The following SYNPO2 variants were observed in gnomAD, a reference collection of about 807,000 sequenced individuals.
SYNPO2 encodes the protein synaptopodin-2.
In SYNPO2, 56 loss-of-function variants were observed where a neutral mutation model predicts 85.0. That is an observed-to-expected ratio of 0.66 (90% CI 0.53 to 0.82). The LOEUF (loss-of-function observed/expected upper bound fraction) is 0.82. Among genes scored for constraint, SYNPO2 ranks in the 40% least tolerant of loss-of-function variants. SYNPO2 has a pLI of 0.00. For missense variants in SYNPO2, 1,575 were observed against 1,534.2 expected (o/e 1.03, Z -0.44); for synonymous variants, 602 against 591.1 (o/e 1.02, Z -0.27).
chr4:118,933,357 G>A (rs1733992397), intron 1 of SYNPO2, among the ~76,000 whole-genome samples: 1 of 152,166 alleles, frequency 6.6e-6, no homozygotes, highest in African/African-American at 2.4e-5. Context: ...CCTGACCAGA[G>A]GCTACTGATG....
At chr4:118,958,826 C>T (rs903304079) in intron 1 of SYNPO2, among the ~76,000 whole-genome samples, 13 of 152,086 alleles carry the variant, frequency 8.5e-5, no homozygotes, top group African/African-American at 2.9e-4. Context: ...AGATTTTGAG[C>T]GTTAAGTTCT....
chr4:119,028,852 T>C (rs1038826642), intron 3 of SYNPO2, among the ~76,000 whole-genome samples: 4 of 151,966 alleles, frequency 2.6e-5, no homozygotes, highest in Non-Finnish European at 5.9e-5. Context: ...ATTGAAAATA[T>C]GATATAACTA....
In SYNPO2 at chr4:119,033,947, T is replaced by C. The variant is rs918157334; in HGVS notation, c.3252+1920T>C. The stretch of plus-strand genomic sequence containing the variant: ...TGCAGAACAATGGGGCTGATTCTTC[T>C]GCTTTTTCTCTGGAAAATCTTTCAT... On this transcript the variant is annotated intron_variant, in intron 4 of 4. Transcript: ENST00000307142. 2.2e-5 allele frequency: 22 copies of C among 985,354 alleles called. No homozygotes were observed. In the South Asian group the frequency reaches 8.5e-4, roughly 38 times the overall value. 61.0% of individuals were successfully genotyped at this position (985,354 alleles called of 1,614,324 possible). A position where few individuals can be genotyped will look rare whatever the true frequency, so the allele number is the denominator to read the frequency against.
intron 1 of SYNPO2, among the ~76,000 whole-genome samples, chr4:119,000,900 A>G (rs1736799131): frequency 6.6e-6 from 1 of 152,218 alleles, no homozygotes; most frequent in Non-Finnish European, 1.5e-5. Context: ...ACATAAGTCT[A>G]GAAAATCTGT....
chr4:118,971,089 C>T (rs148114145), intron 1 of SYNPO2, among the ~76,000 whole-genome samples: 9 of 152,236 alleles, frequency 5.9e-5, no homozygotes, highest in African/African-American at 1.7e-4. Context: ...TGAGCACCTT[C>T]GCTCCTTCTC....
At chr4:118,938,262 G>A (rs1030629163) in intron 1 of SYNPO2, among the ~76,000 whole-genome samples, 7 of 152,176 alleles carry the variant, frequency 4.6e-5, no homozygotes, top group African/African-American at 1.7e-4. Flanking sequence ...GAGGTTGGCA[G>A]TGAGCTGAGA....
chr4:118,915,681 T>C (rs950014790), intron 1 of SYNPO2, among the ~76,000 whole-genome samples: 12 of 152,138 alleles, frequency 7.9e-5, no homozygotes, highest in Admixed American at 5.9e-4. Context: ...AAAGACTTCT[T>C]TTAGTTGTAT....
intron 1 of SYNPO2, among the ~76,000 whole-genome samples, chr4:118,918,413 T>G (rs930558898): frequency 1.3e-5 from 2 of 152,192 alleles, no homozygotes; most frequent in Non-Finnish European, 2.9e-5. Flanking sequence ...CATTATTTCA[T>G]AGTATTCTGT....
intron 1 of SYNPO2, among the ~76,000 whole-genome samples, chr4:119,011,978 A>C (rs1737322066): frequency 7.3e-6 from 1 of 137,632 alleles, no homozygotes; most frequent in Non-Finnish European, 1.5e-5. Context: ...CTTGGAGTGC[A>C]GTGGAGCCAT....
chr4:118,890,733 C>CTCTCTGTG (rs749295331), intron 1 of SYNPO2, among the ~76,000 whole-genome samples: 223 of 126,204 alleles, frequency 1.8e-3, no homozygotes, highest in Middle Eastern at 4.1e-3. Context: ...CTCTCTCTCT[C>CTCTCTGTG]TGTGTGTGTG....
intron 1 of SYNPO2, among the ~76,000 whole-genome samples, chr4:118,943,066 C>G (rs1306455907): frequency 6.6e-6 from 1 of 151,114 alleles, no homozygotes; most frequent in African/African-American, 2.4e-5. Context: ...AAGATCATGC[C>G]ACTGCACTCC....
chr4:118,861,023 G>GT (rs548598620), intron 1 of SYNPO2, among the ~76,000 whole-genome samples: 7 of 152,108 alleles, frequency 4.6e-5, no homozygotes, highest in Non-Finnish European at 7.4e-5. Flanking sequence ...CTGTGCAGTA[G>GT]TTTTTTAACT....
intron 1 of SYNPO2, among the ~76,000 whole-genome samples, chr4:118,954,493 G>A (rs1030436324): frequency 2.0e-5 from 3 of 152,112 alleles, no homozygotes; most frequent in Admixed American, 6.6e-5. Context: ...CCAAAAATGG[G>A]CATTTCAGTT....
chr4:118,879,251 G>T (rs1732012181), intron 1 of SYNPO2, among the ~76,000 whole-genome samples: 1 of 152,198 alleles, frequency 6.6e-6, no homozygotes, highest in African/African-American at 2.4e-5. Context: ...GGGAGACCAT[G>T]AACCCACTGG....
At chr4:119,013,969 C>A (rs1457320469) in intron 1 of SYNPO2, among the ~76,000 whole-genome samples, 4 of 152,138 alleles carry the variant, frequency 2.6e-5, no homozygotes, top group African/African-American at 9.7e-5. Context: ...GAAGAATATC[C>A]AAAATTACCC....
chr4:119,054,217 C>A (rs190496476), intron 4 of SYNPO2, among the ~76,000 whole-genome samples: 1 of 152,210 alleles, frequency 6.6e-6, no homozygotes, highest in Non-Finnish European at 1.5e-5. Flanking sequence ...GGGGTGCTTG[C>A]GACCCCAAAG....
intron 1 of SYNPO2, among the ~76,000 whole-genome samples, chr4:118,937,399 A>G (rs1278284860): frequency 6.6e-6 from 1 of 152,068 alleles, no homozygotes; most frequent in African/African-American, 2.4e-5. Flanking sequence ...ATTCTCAACC[A>G]GTGTCGTTTA....
At chr4:118,893,901 G>A (rs115495984) in intron 1 of SYNPO2, among the ~76,000 whole-genome samples, 2,369 of 151,894 alleles carry the variant, frequency 0.016, 31 homozygotes, top group Non-Finnish European at 0.022. Flanking sequence ...TGAGGTGATG[G>A]ATATGCTAAT....
chr4:118,893,288 A>T lies in SYNPO2; in HGVS notation c.105+4147A>T, dbSNP rs138983836. Among the ~76,000 whole-genome samples, 737 of 152,334 alleles carry T rather than the reference A, an allele frequency of 4.8e-3. 2 individuals are homozygous for T. The highest frequency in any genetic ancestry group is 8.7e-3 in the Non-Finnish European group (594 of 68,024). On this transcript the variant is annotated intron_variant, in intron 1 of 4. Coordinates refer to ENST00000307142, the MANE Select transcript of SYNPO2 (RefSeq NM_133477.3). ...TTAAGGGAGGTTTCTGAAAGATGAC[A>T]ATGAGATAAAATATTCATTATGCAT...
Sources: allele counts gnomAD v4.1 joint callset (sites outside exome capture counted in the v4.1 genomes callset), GRCh38; gene constraint gnomAD v4.1.1; transcripts MANE v1.5; gene names NCBI Gene and HGNC (gene_info 2026-07-23, HGNC 2026-07-21).